TRAPPC8: variants seen among roughly 807,000 people sequenced by gnomAD.
The protein encoded by TRAPPC8 is general sporulation gene 1 homolog.
TRAPPC8 carries 54 observed loss-of-function variants against 174.3 expected under a neutral mutation model. The observed-to-expected ratio is 0.31, with a 90% confidence interval of 0.25 to 0.39. The LOEUF (loss-of-function observed/expected upper bound fraction) is 0.39, where lower values mean the gene tolerates loss of function less well. Among genes scored for constraint, TRAPPC8 ranks in the 10% least tolerant of loss-of-function variants. The probability of loss-of-function intolerance (pLI) is 1.00; values close to 1 mark genes in which losing one functional copy is unlikely to be tolerated. For missense variants in TRAPPC8, 1,531 were observed against 1,699.1 expected, an observed-to-expected ratio of 0.90 and a Z score of 1.74; for synonymous variants, 630 against 579.9, an observed-to-expected ratio of 1.09 and a Z score of -1.24.
chr18:31,864,572 GA>G lies in TRAPPC8; in HGVS notation c.2745+54del, dbSNP rs1228303793. On this transcript the variant is annotated intron_variant, in intron 19 of 28. Coordinates refer to ENST00000283351, the MANE Select transcript of TRAPPC8 (RefSeq NM_014939.5). ...TCAGAGCCTAAAATTAATTTACTCA[GA>G]ATATTTGCTCATATAGATAAATTAA... The G allele has an allele frequency of 7.1e-6, 11 of 1,542,758 alleles. No homozygotes were observed. The African/African-American group carries it at 1.5e-4, about 21-fold the overall frequency.
At chr18:31,859,264 G>C (rs2034200545) in intron 19 of TRAPPC8, among the ~76,000 whole-genome samples, 1 of 152,130 alleles carries the variant, frequency 6.6e-6, no homozygotes, top group Non-Finnish European at 1.5e-5. Flanking sequence ...CTAAATGTGA[G>C]TGGGACTTCA....
In TRAPPC8 at chr18:31,834,283, A is replaced by G. The variant is rs577572796; in HGVS notation, c.3984-2110T>C. ...CACCACACCCGGCTAATTTTTTTTT[A>G]TTTTTTAGTAGAGATGGGGTTTCAC... On this transcript the variant is annotated intron_variant, in intron 27 of 28. Transcript: ENST00000283351. Among the ~76,000 whole-genome samples, 9 of 151,158 alleles carry G rather than the reference A, an allele frequency of 6.0e-5. 1 individual carries two copies. The South Asian group carries it at 1.9e-3, about 32-fold the overall frequency.
intron 26 of TRAPPC8, among the ~76,000 whole-genome samples, chr18:31,844,051 A>G (rs1240903441): frequency 1.3e-5 from 2 of 152,146 alleles, no homozygotes; most frequent in African/African-American, 2.4e-5. Flanking sequence ...TTCTGCCACC[A>G]TAATATCTTC....
chr18:31,837,113 A>G (rs2032794085), intron 27 of TRAPPC8, among the ~76,000 whole-genome samples: 1 of 152,062 alleles, frequency 6.6e-6, no homozygotes, highest in South Asian at 2.1e-4. Context: ...ATACATCTGT[A>G]TCAGAGAAAG....
chr18:31,907,610 C>A lies in TRAPPC8; in HGVS notation c.1239G>T (p.Leu413=), dbSNP rs749137801. The A allele has an allele frequency of 6.3e-7, 1 of 1,598,660 alleles. No individual in the cohort carries two copies. The highest frequency in any genetic ancestry group is 1.1e-5 in the South Asian group (1 of 87,656). The part of the protein sequence containing the change: ...INDLKNTSGL[L]YPPEAPELQI... ...GAAGTTCTGGTGCTTCCGGCGGATA[C>A]CTGTAAATACAAAAGAAAATAATTT... Residue 413 remains leucine, a splice_region_variant and synonymous_variant, in exon 9 of 29, where the codon CTG becomes CTT. Transcript: ENST00000283351.
At chr18:31,933,083 C>G (rs947231585) in intron 1 of TRAPPC8, among the ~76,000 whole-genome samples, 1 of 149,534 alleles carries the variant, frequency 6.7e-6, no homozygotes, top group Non-Finnish European at 1.5e-5. Flanking sequence ...GGGCAGATCA[C>G]GAGGTCAGGA....
chr18:31,868,310 A>G (rs965799064), intron 16 of TRAPPC8, among the ~76,000 whole-genome samples: 1 of 152,240 alleles, frequency 6.6e-6, no homozygotes, highest in Non-Finnish European at 1.5e-5. Flanking sequence ...TCACCATCTT[A>G]GTCCATTTTC....
Position 31,830,117 on chromosome 18 carries a change from T to C in TRAPPC8, c.*638A>G, listed in dbSNP as rs2032271147. On this transcript the variant is annotated 3_prime_UTR_variant, in exon 29 of 29. Coordinates refer to ENST00000283351, the MANE Select transcript of TRAPPC8 (RefSeq NM_014939.5). The stretch of plus-strand genomic sequence containing the variant: ...TAATGACAAAAATCGTATTGTGAAA[T>C]AGCGCACTCTATACTGAGATGAATG... The C allele has an allele frequency of 6.6e-6, 1 of 152,614 alleles. No individual in the cohort carries two copies. The highest frequency in any genetic ancestry group is 1.5e-5 in the Non-Finnish European group (1 of 68,050). The allele number at this position is 152,614 out of a possible 1,614,324, so 9.5% of individuals were successfully genotyped here. A position where few individuals can be genotyped will look rare whatever the true frequency, so the allele number is the denominator to read the frequency against.
At chr18:31,853,500 T>A (rs2033824983) in intron 22 of TRAPPC8, among the ~76,000 whole-genome samples, 1 of 152,132 alleles carries the variant, frequency 6.6e-6, no homozygotes, top group African/African-American at 2.4e-5. Flanking sequence ...ACTGCTGACC[T>A]CAAGTGATCC....
intron 1 of TRAPPC8, among the ~76,000 whole-genome samples, chr18:31,936,239 G>A (rs190066720): frequency 4.0e-4 from 61 of 150,934 alleles, no homozygotes; most frequent in Non-Finnish European, 7.5e-4. Flanking sequence ...CTGGCAGATC[G>A]CTTGAGTCCA....
At chr18:31,897,042 C>T (rs958593789) in intron 11 of TRAPPC8, among the ~76,000 whole-genome samples, 3 of 152,046 alleles carry the variant, frequency 2.0e-5, no homozygotes, top group Non-Finnish European at 2.9e-5. Context: ...ATCCCCAAAA[C>T]GTAAAGAGTT....
chr18:31,933,405 C>T (rs927189151), intron 1 of TRAPPC8, among the ~76,000 whole-genome samples: 2 of 152,038 alleles, frequency 1.3e-5, no homozygotes, highest in African/African-American at 2.4e-5. Flanking sequence ...AACTGGGTTA[C>T]CCTGAACAAC....
Position 31,942,791 on chromosome 18 carries a change from C to T in TRAPPC8, c.-27G>A. 2.2e-6 allele frequency: 3 copies of T among 1,377,364 alleles called. No homozygotes were observed. The highest frequency in any genetic ancestry group is 2.8e-6 in the Non-Finnish European group (3 of 1,055,494). The allele number at this position is 1,377,364 out of a possible 1,614,324, so 85.3% of individuals were successfully genotyped here. On this transcript the variant is annotated 5_prime_UTR_variant, in exon 1 of 29. Transcript: ENST00000283351. ...GCCGCAGCACAGGCAGCGGCGGCGC[C>T]CGCCCTCCGGCCCACCCTGCGAGGT...
At chr18:31,861,722 A>G (rs2034330394) in intron 19 of TRAPPC8, among the ~76,000 whole-genome samples, 1 of 151,962 alleles carries the variant, frequency 6.6e-6, no homozygotes, top group Non-Finnish European at 1.5e-5. Context: ...GGACTGCTTG[A>G]GCTTAGGAGT....
At chr18:31,842,668 T>C (rs570584123) in intron 26 of TRAPPC8, among the ~76,000 whole-genome samples, 2 of 152,292 alleles carry the variant, frequency 1.3e-5, no homozygotes, top group South Asian at 2.1e-4. Flanking sequence ...AATCCAAAGA[T>C]GCAAAATCTG....
At chr18:31,882,836 C>T (rs2145293235) in intron 12 of TRAPPC8, among the ~76,000 whole-genome samples, 1 of 147,746 alleles carries the variant, frequency 6.8e-6, no homozygotes, top group South Asian at 2.3e-4. Context: ...AGGCTGGTCT[C>T]GAACTCCTGA....
In TRAPPC8 at chr18:31,914,177, C is replaced by A. The variant is rs201636699; in HGVS notation, c.618-655G>T. Among the ~76,000 whole-genome samples the A allele has an allele frequency of 3.9e-3, 403 of 104,256 alleles. 3 individuals are homozygous for A. The highest frequency in any genetic ancestry group is 0.011 in the African/African-American group (311 of 27,834). 68.4% of individuals were successfully genotyped at this position (104,256 alleles called of 152,430 possible). On this transcript the variant is annotated intron_variant, in intron 4 of 28. Coordinates refer to ENST00000283351, the MANE Select transcript of TRAPPC8 (RefSeq NM_014939.5). ...AGGAAAAACAAGAAAAAAAAAAAAA[C>A]AACCTGGAAAACTAACCACATTCAA...
chr18:31,851,818 T>C (rs2033719048), intron 24 of TRAPPC8, among the ~76,000 whole-genome samples: 1 of 152,172 alleles, frequency 6.6e-6, no homozygotes. Context: ...TTATCATCTA[T>C]ATATTCCATT....
At chr18:31,930,695 A>T (rs989178245) in intron 2 of TRAPPC8, among the ~76,000 whole-genome samples, 56 of 152,166 alleles carry the variant, frequency 3.7e-4, no homozygotes, top group Non-Finnish European at 1.5e-4. Flanking sequence ...GCACTTGGGA[A>T]GCTAAGCAGG....
Sources: gnomAD v4.1 joint callset for allele counts (sites outside exome capture counted in the v4.1 genomes callset) on GRCh38, gnomAD v4.1.1 for gene constraint, MANE v1.5 for transcripts, NCBI Gene and HGNC (gene_info 2026-07-23, HGNC 2026-07-21) for gene names.